TENM2: variants seen among roughly 807,000 people sequenced by gnomAD.
TENM2 encodes the protein teneurin transmembrane protein 2.
In TENM2, 52 loss-of-function variants were observed where a neutral mutation model predicts 245.2. That is an observed-to-expected ratio of 0.21 (90% CI 0.17 to 0.27). The LOEUF (loss-of-function observed/expected upper bound fraction) is 0.27. Among genes scored for constraint, TENM2 ranks in the 10% least tolerant of loss-of-function variants. The probability of loss-of-function intolerance (pLI) is 1.00; values close to 1 mark genes in which losing one functional copy is unlikely to be tolerated. For missense variants in TENM2, 3,046 were observed against 3,666.8 expected, an observed-to-expected ratio of 0.83 and a Z score of 4.37; for synonymous variants, 1,363 against 1,438.9, an observed-to-expected ratio of 0.95 and a Z score of 1.19.
At chr5:167,923,247 A>T (rs11958744) in intron 3 of TENM2, among the ~76,000 whole-genome samples, 21,096 of 151,634 alleles carry the variant, frequency 0.14, 1,847 homozygotes, top group African/African-American at 0.25. Context: ...TGAACCCGAG[A>T]GGTGGAGGTT....
intron 2 of TENM2, among the ~76,000 whole-genome samples, chr5:167,420,078 T>C (rs1263968065): frequency 1.3e-5 from 2 of 152,346 alleles, no homozygotes; most frequent in East Asian, 3.9e-4. Context: ...AGTTTTATAC[T>C]TTGCAAAAGG....
chr5:167,877,918 G>A (rs1406006653), intron 3 of TENM2, among the ~76,000 whole-genome samples: 3 of 152,004 alleles, frequency 2.0e-5, no homozygotes, highest in Admixed American at 6.6e-5. Flanking sequence ...CTATGTAATC[G>A]TGATGAATAT....
intron 2 of TENM2, among the ~76,000 whole-genome samples, chr5:167,389,420 C>A (rs1761633007): frequency 6.6e-6 from 1 of 151,886 alleles, no homozygotes; most frequent in South Asian, 2.1e-4. Flanking sequence ...ACAGAGTTGG[C>A]ATGTTTTACA....
intron 3 of TENM2, among the ~76,000 whole-genome samples, chr5:167,893,131 A>G: frequency 6.6e-6 from 1 of 152,158 alleles, no homozygotes; most frequent in East Asian, 1.9e-4. Context: ...CCTGTAAGTA[A>G]CTGGGTTTGG....
intron 2 of TENM2, among the ~76,000 whole-genome samples, chr5:167,815,354 C>T (rs1766962590): frequency 6.6e-6 from 1 of 152,106 alleles, no homozygotes; most frequent in Non-Finnish European, 1.5e-5. Flanking sequence ...CTCCTAGCTA[C>T]CAAGTCTTCA....
exon 29 of TENM2, chr5:168,262,969 T>C: frequency 1.5e-6 from 1 of 652,352 alleles, no homozygotes; most frequent in South Asian, 2.2e-5. Flanking sequence ...CAAATGCTAC[T>C]GTCCAAGCGA....
intron 2 of TENM2, among the ~76,000 whole-genome samples, chr5:167,478,948 T>C (rs569900260): frequency 6.6e-6 from 1 of 151,874 alleles, no homozygotes; most frequent in South Asian, 2.1e-4. Context: ...ATTTTCACAA[T>C]ATTGCAAAAT....
chr5:167,259,964 C>A, the TENM2 span, among the ~76,000 whole-genome samples: 1 of 152,176 alleles, frequency 6.6e-6, no homozygotes, highest in Admixed American at 6.6e-5. Context: ...TGTCTTGAAT[C>A]AGTTAAAATA....
the TENM2 span, among the ~76,000 whole-genome samples, chr5:167,239,501 T>A: frequency 6.6e-6 from 1 of 152,198 alleles, no homozygotes; most frequent in Non-Finnish European, 1.5e-5. Flanking sequence ...ATAGTCCAGC[T>A]ACATTAACAT....
At chr5:167,428,201 G>GT (rs1367213300) in intron 2 of TENM2, among the ~76,000 whole-genome samples, 1 of 152,112 alleles carries the variant, frequency 6.6e-6, no homozygotes, top group Admixed American at 6.5e-5. Flanking sequence ...AGATATATGA[G>GT]TTTTTTAAAA....
intron 2 of TENM2, among the ~76,000 whole-genome samples, chr5:167,626,083 A>G (rs1778481440): frequency 6.6e-6 from 1 of 152,206 alleles, no homozygotes; most frequent in South Asian, 2.1e-4. Flanking sequence ...CCCAGCCCAC[A>G]TTAAAGCAGA....
At position 168,244,497 on chromosome 5, in the gene TENM2, G is replaced by T; in HGVS notation, c.5598G>T (p.Lys1866Asn). The change falls in exon 26 of 29, where the codon AAG becomes AAT. Residue 1866 changes from lysine (K) to asparagine (N), a missense_variant. Lys to Asn is a moderately conservative substitution (Grantham distance 94, BLOSUM62 0). This residue lies in a region of TENM2 where 2,704 missense variants were observed against 3,331.9 expected (regional missense o/e 0.81). Transcript: ENST00000518659. This position sits in a 1 kb window ranked among gnomAD's most constrained non-coding sequence, Gnocchi z 4.9. The stretch of plus-strand genomic sequence containing the variant: ...AAAAGATCTATGATGACCACCGGAA[G>T]TTCACCCTGAGGATCATTTATGACC... The T allele has an allele frequency of 6.2e-7, 1 of 1,609,772 alleles. No homozygotes were observed. The highest frequency in any genetic ancestry group is 8.5e-7 in the Non-Finnish European group (1 of 1,177,390).
At chr5:167,889,702 G>A (rs1774590962) in intron 3 of TENM2, among the ~76,000 whole-genome samples, 1 of 151,966 alleles carries the variant, frequency 6.6e-6, no homozygotes, top group African/African-American at 2.4e-5. Context: ...GGTTCTTCTC[G>A]TGGTCTTACA....
At chr5:167,489,822 A>T (rs756131401) in intron 2 of TENM2, among the ~76,000 whole-genome samples, 1 of 152,172 alleles carries the variant, frequency 6.6e-6, no homozygotes, top group African/African-American at 2.4e-5. Flanking sequence ...CAACTTAGTA[A>T]TACCTGAGAA....
the TENM2 span, among the ~76,000 whole-genome samples, chr5:167,063,961 T>G: frequency 3.9e-5 from 6 of 152,122 alleles, no homozygotes; most frequent in Non-Finnish European, 7.4e-5. Flanking sequence ...GGTGGTTATG[T>G]TTGAATGTGA....
At chr5:167,055,098 G>C in the TENM2 span, among the ~76,000 whole-genome samples, 2 of 151,944 alleles carry the variant, frequency 1.3e-5, no homozygotes, top group Admixed American at 1.3e-4. Context: ...AAAAGTCATC[G>C]CCATACTCAA....
At chr5:167,386,874 A>AT (rs1281864715) in intron 2 of TENM2, among the ~76,000 whole-genome samples, 1 of 151,850 alleles carries the variant, frequency 6.6e-6, no homozygotes, top group African/African-American at 2.4e-5. Context: ...TTATATACCT[A>AT]TTTTTATACC....
At chr5:167,955,316 TTG>T (rs1236503836) in intron 4 of TENM2, among the ~76,000 whole-genome samples, 4 of 152,194 alleles carry the variant, frequency 2.6e-5, no homozygotes, top group African/African-American at 9.6e-5. Flanking sequence ...ATGGGGTTGT[TTG>T]TTTTTTTCTT....
At chr5:167,755,214 G>A in intron 2 of TENM2, 1 of 1,581,260 alleles carries the variant, frequency 6.3e-7, no homozygotes, top group Non-Finnish European at 8.6e-7. Flanking sequence ...GGATGTGCAT[G>A]CAGATGGGGT....
Sources: gnomAD v4.1 joint callset for allele counts (sites outside exome capture counted in the v4.1 genomes callset) on GRCh38, gnomAD v4.1.1 for gene constraint, gnomAD v4.1.1 regional missense constraint, Gnocchi (gnomAD v3.1) non-coding constraint, MANE v1.5 for transcripts, NCBI Gene and HGNC (gene_info 2026-07-23, HGNC 2026-07-21) for gene names.